Variants in C15orf40 observed in about 807,000 individuals in gnomAD.
C15orf40 encodes the protein UPF0235 protein C15orf40.
Under a neutral mutation model 13.9 loss-of-function variants are expected in C15orf40, and 9 were observed. That is an observed-to-expected ratio of 0.65 (90% CI 0.39 to 1.13). The LOEUF (loss-of-function observed/expected upper bound fraction) is 1.13. Among genes scored for constraint, C15orf40 ranks in the 50% most tolerant of loss-of-function variants. The pLI is 0.01. For synonymous variants in C15orf40, 95 were observed against 69.2 expected, an observed-to-expected ratio of 1.37 and a Z score of -1.85; for missense variants, 225 against 188.5, an observed-to-expected ratio of 1.19 and a Z score of -1.13.
chr15:82,992,141 G>A (rs1017116138), downstream of C15orf40: 5 of 368,484 alleles, frequency 1.4e-5, no homozygotes, highest in African/African-American at 6.4e-5. Flanking sequence ...CCTTGAGTCC[G>A]GGAAGAGTTC....
In C15orf40 at chr15:82,999,703, G is replaced by C. The variant is rs1475692640; in HGVS notation, c.*5894C>G. 1 of 152,134 alleles carries C rather than the reference G, an allele frequency of 6.6e-6. No homozygotes were observed. Among genetic ancestry groups the C allele is most frequent in the African/African-American group, 2.4e-5 (1 of 41,426 alleles). The allele number at this position is 152,134 out of a possible 1,614,324, so 9.4% of individuals were successfully genotyped here. ...CATCTCTGGGGAAACCTAAGGCTTT[G>C]AAACAGTTTGAACGTCACTGCGATA... On this transcript the variant is annotated 3_prime_UTR_variant, in exon 4 of 4. Coordinates refer to ENST00000304177, the MANE Select transcript of C15orf40 (RefSeq NM_144597.3).
At chr15:82,991,516 G>A (rs2030859982), downstream of C15orf40, among the ~76,000 whole-genome samples, 1 of 152,194 alleles carries the variant, frequency 6.6e-6, no homozygotes, top group African/African-American at 2.4e-5. Flanking sequence ...CTGCACTCCA[G>A]CCTGGGCAAC....
chr15:83,002,392 C>T lies in C15orf40; in HGVS notation c.*3205G>A, dbSNP rs1449806688. 1.3e-5 allele frequency: 2 copies of T among 152,262 alleles called. No homozygotes were observed. The highest frequency in any genetic ancestry group is 4.8e-5 in the African/African-American group (2 of 41,470). The allele number at this position is 152,262 out of a possible 1,614,324, so 9.4% of individuals were successfully genotyped here. On this transcript the variant is annotated 3_prime_UTR_variant, in exon 4 of 4. Transcript: ENST00000304177. ...GTTCCTCTCCAGCATCCATTCCTCT[C>T]TTTGTAACTTTTCCCAATTTTATTC...
At chr15:83,009,261 C>A (rs1481723374) in intron 2 of C15orf40, among the ~76,000 whole-genome samples, 2 of 152,188 alleles carry the variant, frequency 1.3e-5, no homozygotes, top group African/African-American at 4.8e-5. Flanking sequence ...ATACTAACTT[C>A]TTTAATCCTT....
Position 83,011,588 on chromosome 15 carries a change from C to T in C15orf40, c.20G>A (p.Gly7Glu), listed in dbSNP as rs778626590. 246 of 1,592,412 alleles carry T rather than the reference C, an allele frequency of 1.5e-4. No homozygotes were observed. The highest frequency in any genetic ancestry group is 1.9e-4 in the Non-Finnish European group (225 of 1,173,618). Residue 7 changes from glycine to glutamate, a missense_variant, in exon 1 of 4, where the codon GGG (glycine) becomes GAG (glutamate). Coordinates refer to ENST00000304177, the MANE Select transcript of C15orf40 (RefSeq NM_144597.3). MLRLRSGLRHLRATPNT... is the reference protein window; with the variant it reads MLRLRSELRHLRATPNT... ...GGGTGTTGCCCGAAGGTGCCTCAGC[C>T]CGCTGCGGAGCCGCAGCATCCCCGC...
rs1331105884 is a variant in C15orf40 at position 83,011,627 on chromosome 15, G to A, written c.-20C>T. On this transcript the variant is annotated 5_prime_UTR_variant, in exon 1 of 4. Transcript: ENST00000304177. The stretch of plus-strand genomic sequence containing the variant: ...CAGCATCCCCGCCTGGGAAGGCGCC[G>A]GAAGAGCCCTCTGCGCTTGCGCAGG... 1.9e-6 allele frequency: 3 copies of A among 1,550,112 alleles called. No homozygotes were observed. The highest frequency in any genetic ancestry group is 4.8e-5 in the East Asian group (2 of 41,560).
Position 82,998,021 on chromosome 15 carries a change from C to T in C15orf40, c.*7576G>A. On this transcript the variant is annotated 3_prime_UTR_variant, in exon 4 of 4. Transcript: ENST00000304177. The stretch of plus-strand genomic sequence containing the variant: ...TGGCCAGGCGGGGGGCTGACCCCCC[C>T]ACCTCCCTCCCGGACGGGGCGGCTG... 6.9e-6 allele frequency: 1 copy of T among 144,806 alleles called. No homozygotes were observed. The highest frequency in any genetic ancestry group is 6.8e-5 in the Admixed American group (1 of 14,778). 9.0% of individuals were successfully genotyped at this position (144,806 alleles called of 1,614,324 possible). A position where few individuals can be genotyped will look rare whatever the true frequency, so the allele number is the denominator to read the frequency against.
In C15orf40 at chr15:83,004,257, T is replaced by C. The variant is rs905022102; in HGVS notation, c.*1340A>G. On this transcript the variant is annotated 3_prime_UTR_variant, in exon 4 of 4. Transcript: ENST00000304177. ...TTCCAAAGCGCTGGGATTACAGGCG[T>C]GAGCCACCAAGCCCAGCTACCATCA... 191 of 933,948 alleles carry C rather than the reference T, an allele frequency of 2.0e-4. No homozygotes were observed. The highest frequency in any genetic ancestry group is 2.3e-4 in the Non-Finnish European group (184 of 783,172). The allele number at this position is 933,948 out of a possible 1,614,324, so 57.9% of individuals were successfully genotyped here.
chr15:83,006,055 C>G (rs899833339), intron 3 of C15orf40, among the ~76,000 whole-genome samples: 1 of 151,888 alleles, frequency 6.6e-6, no homozygotes, highest in Admixed American at 6.5e-5. Context: ...CATGGTGAAA[C>G]CCCGTCTGTA....
rs2031129246 is a variant in C15orf40, at chr15:82,997,126, C to T, written c.*8471G>A. On this transcript the variant is annotated 3_prime_UTR_variant, in exon 4 of 4. Transcript: ENST00000304177. ...GTTCTCTATCTTGCCTTCTAAATTT[C>T]ATACCGTTTTCAGCCTCTTCTCTGT... 6.7e-6 allele frequency: 1 copy of T among 150,228 alleles called. No individual in the cohort carries two copies. Among genetic ancestry groups the T allele is most frequent in the Non-Finnish European group, 1.5e-5 (1 of 67,620 alleles). The allele number at this position is 150,228 out of a possible 1,614,324, so 9.3% of individuals were successfully genotyped here. A position where few individuals can be genotyped will look rare whatever the true frequency, so the allele number is the denominator to read the frequency against.
intron 3 of C15orf40, among the ~76,000 whole-genome samples, chr15:83,007,579 A>G (rs1334960107): frequency 6.6e-6 from 1 of 152,234 alleles, no homozygotes; most frequent in Non-Finnish European, 1.5e-5. Flanking sequence ...GTATTTTATG[A>G]ATCATCATTA....
At chr15:83,008,454 G>A in intron 3 of C15orf40, 94 bp downstream of exon 3, 2 of 1,297,734 alleles carry the variant, frequency 1.5e-6, no homozygotes, top group Non-Finnish European at 2.2e-6. Flanking sequence ...AGGAGGTGGA[G>A]GTTGCAGTGA....
Position 83,008,536 on chromosome 15 carries a change from A to C in C15orf40, c.366+12T>G, listed in dbSNP as rs747836627. ...TTTGTCTCAAAAAAAAAAAAAAGAG[A>C]GCGAGACCTACCTTATCCAAAACCA... On this transcript the variant is annotated intron_variant, in intron 3 of 3. Coordinates refer to ENST00000304177, the MANE Select transcript of C15orf40 (RefSeq NM_144597.3). The C allele has an allele frequency of 1.2e-5, 19 of 1,607,180 alleles. No homozygotes were observed. The highest frequency in any genetic ancestry group is 1.6e-4 in the Middle Eastern group (1 of 6,064).
At chr15:82,990,714 T>C (rs901532780), downstream of C15orf40, 12 of 1,374,520 alleles carry the variant, frequency 8.7e-6, no homozygotes, top group Admixed American at 2.0e-5. Context: ...GTGGTTGGGA[T>C]AAGGGTACAC....
intron 1 of C15orf40, 115 bp from the exon 2 acceptor site, chr15:83,010,478 G>T: frequency 8.0e-7 from 1 of 1,252,244 alleles, no homozygotes; most frequent in Non-Finnish European, 1.1e-6. Context: ...CATCAGTGGT[G>T]TCCAGGGACT....
Position 83,006,310 on chromosome 15 carries a change from A to G in C15orf40, c.367-618T>C, listed in dbSNP as rs866458439. The stretch of plus-strand genomic sequence containing the variant: ...AATGAAAATCATCTTTAAAATACCA[A>G]AATAAATATTGCAATTTTATATAAA... On this transcript the variant is annotated intron_variant, in intron 3 of 3. Coordinates refer to ENST00000304177, the MANE Select transcript of C15orf40 (RefSeq NM_144597.3). 4 of 840,690 alleles carry G rather than the reference A, an allele frequency of 4.8e-6. No individual in the cohort carries two copies. In the Middle Eastern group the frequency reaches 1.9e-3, roughly 392 times the overall value. 52.1% of individuals were successfully genotyped at this position (840,690 alleles called of 1,614,324 possible). A position where few individuals can be genotyped will look rare whatever the true frequency, so the allele number is the denominator to read the frequency against.
At position 83,001,566 on chromosome 15, in the gene C15orf40, G is replaced by A. The variant is rs1417396960; in HGVS notation, c.*4031C>T. The A allele has an allele frequency of 1.3e-5, 2 of 152,594 alleles. No homozygotes were observed. Among genetic ancestry groups the A allele is most frequent in the Admixed American group, 1.3e-4 (2 of 15,308 alleles). 9.5% of individuals were successfully genotyped at this position (152,594 alleles called of 1,614,324 possible). A position where few individuals can be genotyped will look rare whatever the true frequency, so the allele number is the denominator to read the frequency against. On this transcript the variant is annotated 3_prime_UTR_variant, in exon 4 of 4. Transcript: ENST00000304177. ...CAGTACTCACTTGAAATTAATGGGA[G>A]TGAGCAAAGCTAGAACCATGTCATT...
rs1230897402 is a variant in C15orf40 at position 83,001,813 on chromosome 15, T to C, written c.*3784A>G. ...GTGAGGCTGCTGTAGACTATCTTGTTTGCAGTGGGGAAAAGGGAATCGTGT... is the reference window on the plus strand; with the variant it reads ...GTGAGGCTGCTGTAGACTATCTTGTCTGCAGTGGGGAAAAGGGAATCGTGT... On this transcript the variant is annotated 3_prime_UTR_variant, in exon 4 of 4. Coordinates refer to ENST00000304177, the MANE Select transcript of C15orf40 (RefSeq NM_144597.3). The C allele has an allele frequency of 6.6e-6, 1 of 152,300 alleles. No individual in the cohort carries two copies. Among genetic ancestry groups the C allele is most frequent in the African/African-American group, 2.4e-5 (1 of 41,462 alleles). The allele number at this position is 152,300 out of a possible 1,614,324, so 9.4% of individuals were successfully genotyped here.
chr15:83,009,915 G>A (rs1453421116), intron 2 of C15orf40, among the ~76,000 whole-genome samples: 2 of 152,092 alleles, frequency 1.3e-5, no homozygotes, highest in African/African-American at 4.8e-5. Context: ...TTCTTTCTCT[G>A]GCCAATGTCT....
Sources: gnomAD v4.1 joint callset for allele counts (sites outside exome capture counted in the v4.1 genomes callset) on GRCh38, gnomAD v4.1.1 for gene constraint, MANE v1.5 for transcripts, NCBI Gene and HGNC (gene_info 2026-07-23, HGNC 2026-07-21) for gene names.